DUOX2: variants seen among roughly 807,000 people sequenced by gnomAD.
DUOX2 encodes NADH/NADPH thyroid oxidase p138-tox.
A neutral mutation model predicts 183.3 loss-of-function variants in DUOX2; 185 were observed. The observed-to-expected ratio is 1.01, with a 90% CI of 0.90 to 1.14. The LOEUF is 1.14. Ranked by LOEUF, DUOX2 falls within the 50% of genes most tolerant of loss-of-function variation. The probability of loss-of-function intolerance (pLI) is 0.00; values close to 1 mark genes in which losing one functional copy is unlikely to be tolerated. For missense variants in DUOX2, 1,999 were observed against 2,022.9 expected, an observed-to-expected ratio of 0.99 and a Z score of 0.23; for synonymous variants, 788 against 812.4, an observed-to-expected ratio of 0.97 and a Z score of 0.51.
intron 12 of DUOX2, 198 bp from the exon 13 acceptor site, chr15:45,108,420 G>A (rs533159190): frequency 3.0e-5 from 19 of 640,174 alleles, no homozygotes; most frequent in South Asian, 1.9e-4. Flanking sequence ...GTAACACCAC[G>A]GTCAGGTGCC....
chr15:45,113,223 G>T, intron 2 of DUOX2, 119 bp downstream of exon 2: 1 of 1,450,522 alleles, frequency 6.9e-7, no homozygotes, highest in Non-Finnish European at 9.4e-7. Context: ...TTCCCATCCC[G>T]CTGAGCTGCA....
In DUOX2 at chr15:45,095,869, A is replaced by C; in HGVS notation, c.4039T>G (p.Tyr1347Asp). 6.2e-7 allele frequency: 1 copy of C among 1,614,082 alleles called. No individual in the cohort carries two copies. Among genetic ancestry groups the C allele is most frequent in the Non-Finnish European group, 8.5e-7 (1 of 1,180,010 alleles). The change falls in exon 30 of 34, where the codon TAC (tyrosine) becomes GAC (aspartate). Residue 1347 changes from tyrosine to aspartate, a missense_variant. This residue lies in a region of DUOX2 where 1,628 missense variants were observed against 1,608.6 expected (regional missense o/e 1.01). Transcript: ENST00000389039. ...CAGCCATTGCCCTTTGGGGATGAGTAGATCTCCCTGAGGCGAGTGGTCCAG... is the reference window on the plus strand; with the variant it reads ...CAGCCATTGCCCTTTGGGGATGAGTCGATCTCCCTGAGGCGAGTGGTCCAG... ...GPWTTRLREIYSSPKGNGCAG... is the reference protein window; with the variant it reads ...GPWTTRLREIDSSPKGNGCAG...
intron 13 of DUOX2, among the ~76,000 whole-genome samples, chr15:45,107,723 T>C (rs1046352331): frequency 6.6e-6 from 1 of 151,572 alleles, no homozygotes; most frequent in East Asian, 1.9e-4. Flanking sequence ...TGTTGGTGCA[T>C]GCCTGTAATC....
chr15:45,109,119 T>C, intron 11 of DUOX2, 167 bp from the exon 12 acceptor site: 1 of 858,676 alleles, frequency 1.2e-6, no homozygotes, highest in Non-Finnish European at 1.9e-6. Context: ...AAGGCCAATG[T>C]CACCATGGGT....
In DUOX2 at chr15:45,111,749, G is replaced by A. The variant is rs765360507; in HGVS notation, c.513+19C>T. ...CCTGGCTGGGGTGCGGTCCCTTCCC[G>A]CCGCCTTCCCCGCCTCACCAGGTCC... On this transcript the variant is annotated intron_variant, in intron 5 of 33. Transcript: ENST00000389039. 7 of 1,549,634 alleles carry A rather than the reference G, an allele frequency of 4.5e-6. No individual in the cohort carries two copies. The highest frequency in any genetic ancestry group is 6.1e-6 in the Non-Finnish European group (7 of 1,147,730).
At position 45,104,228 on chromosome 15, in the gene DUOX2, C is replaced by A; in HGVS notation, c.2472G>T (p.Val824=). 4 of 1,614,078 alleles carry A rather than the reference C, an allele frequency of 2.5e-6. No individual in the cohort carries two copies. The highest frequency in any genetic ancestry group is 3.4e-6 in the Non-Finnish European group (4 of 1,180,004). Residue 824 remains valine, a synonymous_variant, in exon 19 of 34, where the codon GTG becomes GTT. Coordinates refer to ENST00000389039, the MANE Select transcript of DUOX2 (RefSeq NM_001363711.2). Reference sequence around the variant, plus strand: ...TGTCAGCCAGAGAGAACATGGACTCCACAAACATGTCCTGGGGCTTGAGGC... The same window carrying A: ...TGTCAGCCAGAGAGAACATGGACTCAACAAACATGTCCTGGGGCTTGAGGC... The part of the protein sequence containing the change: ...SLGLKPQDMF[V]ESMFSLADKD...
chr15:45,104,586 C>T (rs570847214), intron 18 of DUOX2, among the ~76,000 whole-genome samples: 5 of 152,216 alleles, frequency 3.3e-5, no homozygotes, highest in East Asian at 3.9e-4. Context: ...GCCCAAGAAC[C>T]GGGAACTTCA....
At position 45,113,330 on chromosome 15, in the gene DUOX2, C is replaced by T. The variant is rs759434897; in HGVS notation, c.70+12G>A. ...GGGGAACACCCCGCCGCTAGAGGAG[C>T]CTGATACTTGCCCGATGGACCCAGG... On this transcript the variant is annotated intron_variant, in intron 2 of 33. Transcript: ENST00000389039. 1 of 1,557,278 alleles carries T rather than the reference C, an allele frequency of 6.4e-7. No individual in the cohort carries two copies. The highest frequency in any genetic ancestry group is 2.4e-5 in the East Asian group (1 of 41,512).
intron 18 of DUOX2, among the ~76,000 whole-genome samples, chr15:45,104,804 G>A (rs1157825427): frequency 1.3e-5 from 2 of 152,126 alleles, no homozygotes; most frequent in Non-Finnish European, 2.9e-5. Flanking sequence ...AAAGTCGCAT[G>A]TAACAACCAT....
chr15:45,098,166 G>A, intron 26 of DUOX2, 108 bp from the exon 27 acceptor site: 2 of 1,089,872 alleles, frequency 1.8e-6, no homozygotes, highest in Admixed American at 4.0e-5. Context: ...TGAGGGTATG[G>A]GGCCTCCACC....
chr15:45,097,733 C>T lies in DUOX2; in HGVS notation c.3574G>A (p.Gly1192Ser). 6.2e-7 allele frequency: 1 copy of T among 1,614,236 alleles called. No individual in the cohort carries two copies. The highest frequency in any genetic ancestry group is 8.5e-7 in the Non-Finnish European group (1 of 1,180,044). ...WFFQTVPGMT[G>S]VLLLLVLAIM... ...GCCAGGACCAGGAGCAGAAGCACAC[C>T]TGTCATACCTGGGGGCAGGAAGACA... Residue 1192 changes from glycine to serine, a missense_variant, in exon 28 of 34, where the codon GGT becomes AGT. Gly to Ser is a moderately conservative substitution (Grantham distance 56). Transcript: ENST00000389039.
At chr15:45,099,589 C>A in intron 25 of DUOX2, 73 bp downstream of exon 25, 2 of 1,591,286 alleles carry the variant, frequency 1.3e-6, no homozygotes, top group Non-Finnish European at 1.7e-6. Flanking sequence ...TAAGGAGTTC[C>A]ATCTCCCCAC....
chr15:45,097,133 A>G, intron 29 of DUOX2, 105 bp downstream of exon 29: 20 of 1,542,618 alleles, frequency 1.3e-5, no homozygotes, highest in Non-Finnish European at 1.8e-5. Flanking sequence ...TTTTGGAGAC[A>G]GAGTCAGAGG....
chr15:45,096,993 TCAGCCACCTCTTCTCA>T (rs1283843990), intron 29 of DUOX2, among the ~76,000 whole-genome samples: 1 of 152,196 alleles, frequency 6.6e-6, no homozygotes, highest in African/African-American at 2.4e-5. Flanking sequence ...GTATGCACGT[TCAGCCACCTCTTCTCA>T]GGTCACTTCT....
Position 45,095,606 on chromosome 15 carries a change from AGGG to A in DUOX2, c.4081-14_4081-12del. 6.2e-7 allele frequency: 1 copy of A among 1,614,018 alleles called. No homozygotes were observed. The highest frequency in any genetic ancestry group is 2.2e-5 in the East Asian group (1 of 44,870). On this transcript the variant is annotated splice_polypyrimidine_tract_variant and intron_variant, in intron 30 of 33. Coordinates refer to ENST00000389039, the MANE Select transcript of DUOX2 (RefSeq NM_001363711.2). ...TCCATCAAGGTACAGCTGCCAAGAG[AGGG>A]GGGAGATGAAATGAGCCTGACCCTG...
intron 16 of DUOX2, 41 bp from the exon 17 acceptor site, chr15:45,106,368 C>T (rs1286149728): frequency 1.2e-6 from 2 of 1,609,476 alleles, no homozygotes; most frequent in African/African-American, 2.7e-5. Flanking sequence ...CAGCAGATGT[C>T]CCCAGGTCCC....
rs148211186 is a variant in DUOX2, at chr15:45,112,572, C to A, written c.307G>T (p.Val103Leu). 2.0e-5 allele frequency: 32 copies of A among 1,612,998 alleles called. No homozygotes were observed. In the African/African-American group the frequency reaches 4.3e-4, roughly 22 times the overall value. ...CCCTCACCAAAGAAGACCCCCAGTA[C>A]GGTGCGGTTGTGGAGCGACGGCAGG... ...AGLPSLHNRT[V>L]LGVFFGYHVL... The change falls in exon 4 of 34, where the codon GTA becomes TTA. Residue 103 changes from valine to leucine, a missense_variant. This residue lies in a region of DUOX2 where 356 missense variants were observed against 356.4 expected (regional missense o/e 1.00). Transcript: ENST00000389039.
chr15:45,097,164 C>G (rs1893925024), intron 29 of DUOX2, 74 bp downstream of exon 29: 1 of 1,602,538 alleles, frequency 6.2e-7, no homozygotes, highest in Admixed American at 1.7e-5. Flanking sequence ...GTCAGGAGAC[C>G]TGGTGAACTG....
In DUOX2 at chr15:45,108,258, T is replaced by C. The variant is rs763044210; in HGVS notation, c.1399-36A>G. 4.3e-6 allele frequency: 7 copies of C among 1,611,992 alleles called. 1 individual carries two copies. In the South Asian group the frequency reaches 5.5e-5, roughly 13 times the overall value. On this transcript the variant is annotated intron_variant, in intron 12 of 33. Transcript: ENST00000389039. ...ACAGGAGATAAGGGGTGAGCGTATGTTTGCTGCGGAGGGCAGCCACTGTTG... is the reference window on the plus strand; with the variant it reads ...ACAGGAGATAAGGGGTGAGCGTATGCTTGCTGCGGAGGGCAGCCACTGTTG...
Sources: gnomAD v4.1 joint callset for allele counts (sites outside exome capture counted in the v4.1 genomes callset) on GRCh38, gnomAD v4.1.1 for gene constraint, gnomAD v4.1.1 regional missense constraint, MANE v1.5 for transcripts, NCBI Gene and HGNC (gene_info 2026-07-23, HGNC 2026-07-21) for gene names.